The following UNC5D variants were observed in gnomAD, a reference collection of about 807,000 sequenced individuals.
UNC5D encodes the protein unc-5 netrin receptor D.
UNC5D carries 39 observed loss-of-function variants against 105.4 expected under a neutral mutation model. The ratio of observed to expected loss-of-function variants is 0.37; its 90% CI spans 0.29 to 0.48. The LOEUF (loss-of-function observed/expected upper bound fraction) is 0.48, where lower values mean the gene tolerates loss of function less well. UNC5D is among the 20% of genes least tolerant of loss of function. The probability of loss-of-function intolerance (pLI) is 0.98; values close to 1 mark genes in which losing one functional copy is unlikely to be tolerated. For missense variants in UNC5D, 991 were observed against 1,202.4 expected (o/e 0.82, Z 2.60); for synonymous variants, 452 against 450.4 (o/e 1.00, Z -0.04).
At chr8:35,640,119 A>T (rs1003452048) in intron 4 of UNC5D, among the ~76,000 whole-genome samples, 3 of 151,234 alleles carry the variant, frequency 2.0e-5, no homozygotes, top group African/African-American at 7.3e-5. Context: ...TAAAATTTTA[A>T]TTTTTTTTTA....
chr8:35,246,370 A>G (rs1223635963), intron 1 of UNC5D, among the ~76,000 whole-genome samples: 3 of 152,204 alleles, frequency 2.0e-5, no homozygotes, highest in Non-Finnish European at 4.4e-5. Flanking sequence ...CCTTGGCTTA[A>G]GCATTTTCAA....
intron 1 of UNC5D, among the ~76,000 whole-genome samples, chr8:35,540,444 G>GTGT (rs3222435): frequency 1.4e-5 from 2 of 142,698 alleles, no homozygotes; most frequent in Admixed American, 7.1e-5. Flanking sequence ...AAAGCAGAGG[G>GTGT]GTGTGTGTGT....
chr8:35,590,996 A>G (rs1819132820), intron 3 of UNC5D, among the ~76,000 whole-genome samples: 1 of 152,232 alleles, frequency 6.6e-6, no homozygotes, highest in African/African-American at 2.4e-5. Context: ...TATATTATAA[A>G]AAGTATTTAA....
intron 4 of UNC5D, among the ~76,000 whole-genome samples, chr8:35,646,121 A>G (rs886259308): frequency 6.6e-6 from 1 of 152,124 alleles, no homozygotes; most frequent in East Asian, 1.9e-4. Context: ...TTGGCATGCA[A>G]TTTAGTAGAT....
intron 4 of UNC5D, among the ~76,000 whole-genome samples, chr8:35,615,377 C>A (rs1438723331): frequency 6.6e-6 from 1 of 152,124 alleles, no homozygotes; most frequent in Admixed American, 6.5e-5. Flanking sequence ...TTTCTCCTTG[C>A]TTGGAATGTC....
In UNC5D at chr8:35,661,462, G is replaced by A. The variant is rs73575944; in HGVS notation, c.571-22085G>A. Among the ~76,000 whole-genome samples the A allele has an allele frequency of 7.9e-3, 1,203 of 152,256 alleles. 16 individuals carry two copies. Among genetic ancestry groups the A allele is most frequent in the African/African-American group, 0.028 (1,145 of 41,542 alleles). ...CATGGCCCTGGTCTCAGGAGGGTTC[G>A]GTAGAAAGAGACCATGACAAAAGAG... is the stretch of plus-strand genomic sequence containing the variant. On this transcript the variant is annotated intron_variant, in intron 4 of 16. Coordinates refer to ENST00000404895, the MANE Select transcript of UNC5D (RefSeq NM_080872.4).
At chr8:35,253,904 A>G (rs1048042396) in intron 1 of UNC5D, among the ~76,000 whole-genome samples, 1 of 152,130 alleles carries the variant, frequency 6.6e-6, no homozygotes, top group Non-Finnish European at 1.5e-5. Context: ...GCACATATAC[A>G]TGGGAATTTT....
At chr8:35,457,731 A>G (rs1808588904) in intron 1 of UNC5D, among the ~76,000 whole-genome samples, 1 of 152,138 alleles carries the variant, frequency 6.6e-6, no homozygotes, top group Non-Finnish European at 1.5e-5. Context: ...GTAAGTTTCC[A>G]AGACACTTAT....
chr8:35,564,715 C>G (rs182935126), intron 2 of UNC5D, among the ~76,000 whole-genome samples: 5 of 151,978 alleles, frequency 3.3e-5, no homozygotes, highest in Non-Finnish European at 7.4e-5. Flanking sequence ...TACATTGTAC[C>G]CCATAAGTAG....
chr8:35,502,150 A>T (rs1812014110), intron 1 of UNC5D, among the ~76,000 whole-genome samples: 1 of 152,216 alleles, frequency 6.6e-6, no homozygotes, highest in African/African-American at 2.4e-5. Flanking sequence ...AACATGTTTT[A>T]TGGGAAGTTA....
chr8:35,723,130 C>T (rs1215870892), intron 9 of UNC5D, among the ~76,000 whole-genome samples: 1 of 152,102 alleles, frequency 6.6e-6, no homozygotes, highest in Non-Finnish European at 1.5e-5. Context: ...AGTTTTCTAC[C>T]TTGACCCTCA....
At chr8:35,487,594 C>CACACACACACACACACACA (rs1554542234) in intron 1 of UNC5D, among the ~76,000 whole-genome samples, 2 of 146,754 alleles carry the variant, frequency 1.4e-5, no homozygotes, top group African/African-American at 2.7e-5. Context: ...CACACACACA[C>CACACACACACACACACACA]CCCACAGACT....
At chr8:35,469,134 G>A (rs897045482) in intron 1 of UNC5D, among the ~76,000 whole-genome samples, 1 of 152,176 alleles carries the variant, frequency 6.6e-6, no homozygotes, top group South Asian at 2.1e-4. Flanking sequence ...GAGAATGCAA[G>A]TTTTATGAAC....
chr8:35,375,333 T>C (rs1348921641), intron 1 of UNC5D, among the ~76,000 whole-genome samples: 17 of 152,342 alleles, frequency 1.1e-4, no homozygotes, highest in South Asian at 8.3e-4. Context: ...AGGTTCTTAA[T>C]GTTCCACACG....
intron 1 of UNC5D, among the ~76,000 whole-genome samples, chr8:35,281,901 T>A (rs1332011874): frequency 1.3e-5 from 2 of 152,200 alleles, no homozygotes; most frequent in African/African-American, 4.8e-5. Context: ...CTTTTACATT[T>A]TCTGTGTATG....
chr8:35,245,962 C>T (rs1195253441), intron 1 of UNC5D, among the ~76,000 whole-genome samples: 2 of 152,050 alleles, frequency 1.3e-5, no homozygotes, highest in Non-Finnish European at 2.9e-5. Context: ...TTCTGCTAAC[C>T]ATCACTTCAC....
chr8:35,582,261 C>T (rs1412008559), intron 3 of UNC5D, among the ~76,000 whole-genome samples: 1 of 152,166 alleles, frequency 6.6e-6, no homozygotes, highest in Non-Finnish European at 1.5e-5. Flanking sequence ...CCCATGATAG[C>T]TCCTATTTCA....
At chr8:35,529,083 T>C (rs1446757948) in intron 1 of UNC5D, among the ~76,000 whole-genome samples, 2 of 141,392 alleles carry the variant, frequency 1.4e-5, no homozygotes, top group Admixed American at 7.3e-5. Context: ...TTGGCTTTTG[T>C]TGCCATTGCT....
chr8:35,692,443 G>T (rs1428699417), intron 7 of UNC5D, among the ~76,000 whole-genome samples: 1 of 152,014 alleles, frequency 6.6e-6, no homozygotes, highest in African/African-American at 2.4e-5. Flanking sequence ...CTGAATCAGA[G>T]AAATTTCATC....
Sources: allele counts gnomAD v4.1 joint callset (sites outside exome capture counted in the v4.1 genomes callset), GRCh38; gene constraint gnomAD v4.1.1; transcripts MANE v1.5; gene names NCBI Gene and HGNC (gene_info 2026-07-23, HGNC 2026-07-21).